The following PTPRG variants were observed in gnomAD, a reference collection of about 807,000 sequenced individuals.
The protein encoded by PTPRG is receptor-type tyrosine-protein phosphatase gamma.
A neutral mutation model predicts 165.3 loss-of-function variants in PTPRG; 102 were observed. That is an observed-to-expected ratio of 0.62 (90% CI 0.53 to 0.73). The LOEUF (loss-of-function observed/expected upper bound fraction) is 0.73, where lower values mean the gene tolerates loss of function less well. PTPRG is among the 30% of genes least tolerant of loss of function. PTPRG has a pLI of 0.00. For missense variants in PTPRG, 1,866 were observed against 1,861.4 expected, an observed-to-expected ratio of 1.00 and a Z score of -0.05; for synonymous variants, 675 against 669.5, an observed-to-expected ratio of 1.01 and a Z score of -0.13.
intron 2 of PTPRG, among the ~76,000 whole-genome samples, chr3:61,972,782 A>G (rs745599503): frequency 2.6e-4 from 40 of 151,172 alleles, no homozygotes; most frequent in Non-Finnish European, 3.4e-4. Context: ...ACTCCTGAGT[A>G]GCTGGGACCG....
intron 2 of PTPRG, among the ~76,000 whole-genome samples, chr3:61,877,210 G>A (rs189591679): frequency 2.0e-4 from 31 of 152,184 alleles, no homozygotes; most frequent in African/African-American, 6.3e-4. Context: ...ACAGTTTCTG[G>A]CTTTTATTTA....
At position 62,019,450 on chromosome 3, in the gene PTPRG, G is replaced by C. The variant is rs771838133; in HGVS notation, c.519+15953G>C. Among the ~76,000 whole-genome samples, 4 of 151,336 alleles carry C rather than the reference G, an allele frequency of 2.6e-5. No individual in the cohort carries two copies. In the South Asian group the frequency reaches 8.4e-4, roughly 32 times the overall value. ...AGAAGGGAGGATTGCTTGAACTCAG[G>C]GGGTGGAGGTTGCAGTGAGCTGAGA... On this transcript the variant is annotated intron_variant, in intron 4 of 29. Transcript: ENST00000474889.
chr3:61,910,619 A>G (rs1186964921), intron 2 of PTPRG, among the ~76,000 whole-genome samples: 2 of 152,314 alleles, frequency 1.3e-5, no homozygotes, highest in East Asian at 3.9e-4. Flanking sequence ...ATTGAGAGTG[A>G]AGCCAGCCTT....
At chr3:62,104,017 C>T (rs1303266193) in intron 5 of PTPRG, among the ~76,000 whole-genome samples, 2 of 152,172 alleles carry the variant, frequency 1.3e-5, no homozygotes, top group African/African-American at 2.4e-5. Flanking sequence ...CTCTGATTAA[C>T]CAATGTTGTT....
At position 61,921,824 on chromosome 3, in the gene PTPRG, A is replaced by G. The variant is rs1385287590; in HGVS notation, c.191-67801A>G. On this transcript the variant is annotated intron_variant, in intron 2 of 29. Transcript: ENST00000474889. ...GGATTCTGTACTTACAGGTTAGGAAATTGTTTTTTTTCTGTAACATCTTTA... is the reference window on the plus strand; with the variant it reads ...GGATTCTGTACTTACAGGTTAGGAAGTTGTTTTTTTTCTGTAACATCTTTA... 2.0e-5 allele frequency among the ~76,000 whole-genome samples: 3 copies of G among 152,134 alleles called. No individual in the cohort carries two copies. In the East Asian group the frequency reaches 5.8e-4, roughly 29 times the overall value.
At chr3:61,904,201 G>A (rs1361165877) in intron 2 of PTPRG, among the ~76,000 whole-genome samples, 2 of 152,066 alleles carry the variant, frequency 1.3e-5, no homozygotes. Context: ...GCTTTCATCC[G>A]CCTCAGACTT....
intron 1 of PTPRG, among the ~76,000 whole-genome samples, chr3:61,586,300 T>G (rs1700432986): frequency 6.6e-6 from 1 of 152,152 alleles, no homozygotes; most frequent in Non-Finnish European, 1.5e-5. Flanking sequence ...GCTTGCTAAT[T>G]ACACTGCCAG....
chr3:62,086,967 C>G (rs770265225), intron 5 of PTPRG, among the ~76,000 whole-genome samples: 10 of 152,180 alleles, frequency 6.6e-5, no homozygotes, highest in Non-Finnish European at 1.3e-4. Context: ...AATTAAGAGA[C>G]TTTGAATTCT....
At chr3:61,763,622 C>T (rs1470604550) in intron 2 of PTPRG, among the ~76,000 whole-genome samples, 3 of 151,430 alleles carry the variant, frequency 2.0e-5, no homozygotes, top group African/African-American at 7.3e-5. Context: ...CCACCCGCCT[C>T]AGCCTCCCAA....
chr3:62,153,036 G>A (rs1310818950), intron 6 of PTPRG, among the ~76,000 whole-genome samples: 1 of 152,178 alleles, frequency 6.6e-6, no homozygotes, highest in African/African-American at 2.4e-5. Flanking sequence ...TTTGAAAATT[G>A]TTCTCAGTTA....
At chr3:61,593,291 G>C (rs1307461734) in intron 1 of PTPRG, among the ~76,000 whole-genome samples, 2 of 151,948 alleles carry the variant, frequency 1.3e-5, no homozygotes, top group African/African-American at 4.8e-5. Context: ...AAAGCAGTGT[G>C]TGTCAAGAGA....
chr3:62,009,943 G>T (rs2041379897), intron 4 of PTPRG, among the ~76,000 whole-genome samples: 1 of 152,188 alleles, frequency 6.6e-6, no homozygotes, highest in South Asian at 2.1e-4. Flanking sequence ...TGAATGACAA[G>T]GTCTTACTGT....
At chr3:61,741,332 G>A (rs1156709872) in intron 1 of PTPRG, among the ~76,000 whole-genome samples, 1 of 152,200 alleles carries the variant, frequency 6.6e-6, no homozygotes, top group African/African-American at 2.4e-5. Context: ...GTTGGCTTAT[G>A]TTTTGGCAGT....
chr3:61,891,519 A>T (rs544581413), intron 2 of PTPRG, among the ~76,000 whole-genome samples: 1 of 152,216 alleles, frequency 6.6e-6, no homozygotes, highest in Non-Finnish European at 1.5e-5. Context: ...TGTTTCATTC[A>T]TAGCCATTTT....
At chr3:61,943,701 C>T (rs1325152131) in intron 2 of PTPRG, among the ~76,000 whole-genome samples, 1 of 152,186 alleles carries the variant, frequency 6.6e-6, no homozygotes, top group African/African-American at 2.4e-5. Flanking sequence ...TTACTGTCAC[C>T]ATCATGCCCT....
intron 2 of PTPRG, among the ~76,000 whole-genome samples, chr3:61,857,611 G>A (rs2037148828): frequency 6.6e-6 from 1 of 152,158 alleles, no homozygotes; most frequent in Non-Finnish European, 1.5e-5. Context: ...CAATCACAAA[G>A]TCAGGGTTGA....
chr3:61,676,120 G>A (rs1423080444), intron 1 of PTPRG, among the ~76,000 whole-genome samples: 2 of 152,014 alleles, frequency 1.3e-5, no homozygotes, highest in Non-Finnish European at 1.5e-5. Flanking sequence ...CTAGTATTTC[G>A]CCTTAGTTAA....
intron 2 of PTPRG, among the ~76,000 whole-genome samples, chr3:61,902,806 T>G (rs974308233): frequency 2.6e-5 from 4 of 152,134 alleles, no homozygotes; most frequent in African/African-American, 9.7e-5. Context: ...ATCATTGTTT[T>G]GTGTATCTGG....
Position 62,203,204 on chromosome 3 carries a change from T to A in PTPRG, c.1409T>A (p.Met470Lys). ...GCGTCTCCTGCCTCTTCAGCCGACA[T>A]GGCCCCCATCAGCTCGGGGTCTTCT... ...PTASPASSAD[M>K]APISSGSSTW... Residue 470 changes from methionine to lysine, a missense_variant, in exon 12 of 30, where the codon ATG (methionine) becomes AAG (lysine). Met to Lys is a moderately conservative substitution (Grantham distance 95). Around this residue, in one of 3 missense-constraint regions of PTPRG, gnomAD observed 1,452 missense variants for 1,463.0 expected, o/e 0.99. Coordinates refer to ENST00000474889, the MANE Select transcript of PTPRG (RefSeq NM_002841.4). The surrounding 1 kb of genome is among the most constrained non-coding windows in gnomAD (Gnocchi z 6.4). 1 of 1,605,716 alleles carries A rather than the reference T, an allele frequency of 6.2e-7. No individual in the cohort carries two copies. Among genetic ancestry groups the A allele is most frequent in the East Asian group, 2.2e-5 (1 of 44,670 alleles).
Sources: gnomAD v4.1 joint callset for allele counts (sites outside exome capture counted in the v4.1 genomes callset) on GRCh38, gnomAD v4.1.1 for gene constraint, gnomAD v4.1.1 regional missense constraint, Gnocchi (gnomAD v3.1) non-coding constraint, MANE v1.5 for transcripts, NCBI Gene and HGNC (gene_info 2026-07-23, HGNC 2026-07-21) for gene names.